The following NEK5 variants were observed in gnomAD, a reference collection of about 807,000 sequenced individuals.
The protein encoded by NEK5 is serine/threonine-protein kinase Nek5.
In NEK5, 88 loss-of-function variants were observed where a neutral mutation model predicts 109.2. The observed-to-expected ratio is 0.81, with a 90% CI of 0.68 to 0.96. The LOEUF is 0.96. Among genes scored for constraint, NEK5 ranks in the 40% least tolerant of loss-of-function variants. NEK5 has a pLI of 0.00. For synonymous variants in NEK5, 283 were observed against 299.9 expected (o/e 0.94, Z 0.58); for missense variants, 834 against 920.7 (o/e 0.91, Z 1.22).
intron 3 of NEK5, among the ~76,000 whole-genome samples, chr13:52,123,101 G>A (rs904078064): frequency 6.6e-6 from 1 of 152,114 alleles, no homozygotes; most frequent in African/African-American, 2.4e-5. Context: ...TTAGTTCTGG[G>A]GTCTAGTGTA....
Position 52,036,783 on chromosome 13 carries a change from T to C in NEK5, c.*165A>G, listed in dbSNP as rs1954364683. 1 of 203,748 alleles carries C rather than the reference T, an allele frequency of 4.9e-6. No individual in the cohort carries two copies. The highest frequency in any genetic ancestry group is 8.7e-6 in the Non-Finnish European group (1 of 115,488). 12.6% of individuals were successfully genotyped at this position (203,748 alleles called of 1,614,324 possible). A position where few individuals can be genotyped will look rare whatever the true frequency, so the allele number is the denominator to read the frequency against. ...TAATAGAAACTTTAAAGTAAAAATA[T>C]TAATGGCTATATTCAAAAGTTCTAC... On this transcript the variant is annotated 3_prime_UTR_variant, in exon 24 of 24. Coordinates refer to ENST00000684899, the MANE Select transcript of NEK5 (RefSeq NM_001365552.1).
chr13:52,104,494 T>C lies in NEK5; in HGVS notation c.609+4A>G. ...AAGATTAGTCTGACAATGAGCATAC[T>C]TACAGGATGTTTAAGTGTGCAGAGC... On this transcript the variant is annotated splice_donor_region_variant and intron_variant, in intron 9 of 23. Transcript: ENST00000684899. 6.3e-7 allele frequency: 1 copy of C among 1,585,438 alleles called. No individual in the cohort carries two copies. The highest frequency in any genetic ancestry group is 8.7e-7 in the Non-Finnish European group (1 of 1,154,106).
intron 21 of NEK5, 93 bp from the exon 22 acceptor site, chr13:52,062,046 C>A (rs1954618126): frequency 6.4e-6 from 1 of 157,234 alleles, no homozygotes; most frequent in Admixed American, 6.5e-5. Context: ...GTAACCTAAT[C>A]CCACCTCTCA....
intron 18 of NEK5, 109 bp from the exon 19 acceptor site, chr13:52,075,935 G>A (rs1019582860): frequency 1.4e-4 from 123 of 906,076 alleles, no homozygotes; most frequent in Non-Finnish European, 2.0e-4. Context: ...AAAACCATTG[G>A]TCTCATATCA....
At chr13:52,124,902 G>A (rs1956034911) in intron 3 of NEK5, among the ~76,000 whole-genome samples, 1 of 152,176 alleles carries the variant, frequency 6.6e-6, no homozygotes, top group Admixed American at 6.5e-5. Context: ...GGATCCAAGT[G>A]ACCCAGGGCC....
chr13:52,035,890 C>G lies in NEK5; in HGVS notation c.*1058G>C, dbSNP rs1336812136. 1.3e-5 allele frequency: 2 copies of G among 151,646 alleles called. No individual in the cohort carries two copies. Among genetic ancestry groups the G allele is most frequent in the South Asian group, 2.1e-4 (1 of 4,822 alleles). 9.4% of individuals were successfully genotyped at this position (151,646 alleles called of 1,614,324 possible). ...GTGTATTCAATGCAACAAGAAACTT[C>G]AAAATCACAGTTTTGTAAAACGGCA... On this transcript the variant is annotated 3_prime_UTR_variant, in exon 24 of 24. Transcript: ENST00000684899.
At chr13:52,089,480 A>C (rs1955230275) in intron 13 of NEK5, among the ~76,000 whole-genome samples, 167 bp from the exon 14 acceptor site, 1 of 152,184 alleles carries the variant, frequency 6.6e-6, no homozygotes. Context: ...TTGGAAAAGA[A>C]AATTTTGGAA....
chr13:52,081,366 T>G (rs769231912), intron 17 of NEK5, among the ~76,000 whole-genome samples: 4 of 152,162 alleles, frequency 2.6e-5, no homozygotes, highest in Non-Finnish European at 4.4e-5. Flanking sequence ...AGATGCCTTT[T>G]CTTTTTTTTT....
At chr13:52,088,272 T>C (rs1955197753) in intron 14 of NEK5, among the ~76,000 whole-genome samples, 1 of 151,222 alleles carries the variant, frequency 6.6e-6, no homozygotes, top group African/African-American at 2.4e-5. Flanking sequence ...TTGTTTTTTT[T>C]GAGACAGAGT....
intron 3 of NEK5, among the ~76,000 whole-genome samples, chr13:52,121,971 T>C (rs1452878946): frequency 6.6e-6 from 1 of 151,938 alleles, no homozygotes; most frequent in Non-Finnish European, 1.5e-5. Flanking sequence ...TCTGCTATGT[T>C]GTCTAAGCTG....
rs1374455679 is a variant in NEK5, at chr13:52,045,658, G to A, written c.2228+4446C>T. On this transcript the variant is annotated intron_variant, in intron 23 of 23. Coordinates refer to ENST00000684899, the MANE Select transcript of NEK5 (RefSeq NM_001365552.1). ...CCGGCGCCTGTAGTCCCAGCTACTC[G>A]GGAGGCTGAGGCAGGAGAATGGCGT... is the stretch of plus-strand genomic sequence containing the variant. Among the ~76,000 whole-genome samples, 21 of 149,056 alleles carry A rather than the reference G, an allele frequency of 1.4e-4. 1 individual carries two copies. Among genetic ancestry groups the A allele is most frequent in the Admixed American group, 1.2e-3 (18 of 15,010 alleles).
chr13:52,049,057 T>A (rs1954481004), intron 23 of NEK5, among the ~76,000 whole-genome samples: 1 of 152,172 alleles, frequency 6.6e-6, no homozygotes, highest in Admixed American at 6.6e-5. Context: ...TATTCCACAA[T>A]GTGTACATAT....
intron 22 of NEK5, among the ~76,000 whole-genome samples, chr13:52,059,212 A>G (rs1954589540): frequency 1.7e-5 from 1 of 57,302 alleles, no homozygotes; most frequent in Non-Finnish European, 3.5e-5. Context: ...AATGCTCACC[A>G]TCACTGGCCA....
At chr13:52,041,728 CAAAAA>C (rs60216367) in intron 23 of NEK5, among the ~76,000 whole-genome samples, 2 of 48,118 alleles carry the variant, frequency 4.2e-5, no homozygotes, top group African/African-American at 1.9e-4. Flanking sequence ...AACTCTGTCT[CAAAAA>C]AAAAAAAAAA....
rs781109449 is a variant in NEK5 at position 52,127,352 on chromosome 13, G to A, written c.117+14C>T. ...TCCCACTGAAAATTAACAGAAATTT[G>A]AACTTAACTTTACCTTTTCAAAATT... On this transcript the variant is annotated intron_variant, in intron 3 of 23. Coordinates refer to ENST00000684899, the MANE Select transcript of NEK5 (RefSeq NM_001365552.1). 10 of 781,326 alleles carry A rather than the reference G, an allele frequency of 1.3e-5. No homozygotes were observed. The Admixed American group carries it at 2.8e-4, about 22-fold the overall frequency. The allele number at this position is 781,326 out of a possible 1,614,324, so 48.4% of individuals were successfully genotyped here.
intron 4 of NEK5, among the ~76,000 whole-genome samples, chr13:52,116,130 G>C (rs1955853062): frequency 7.4e-6 from 1 of 135,614 alleles, no homozygotes. Context: ...GCAGTGAGCT[G>C]TAATCACACC....
intron 1 of NEK5, 113 bp downstream of exon 1, chr13:52,128,916 G>GGCCGCCCCC (rs1240616573): frequency 6.6e-6 from 1 of 152,418 alleles, no homozygotes; most frequent in Non-Finnish European, 1.5e-5. Context: ...GCCTTTTCTG[G>GGCCGCCCCC]GCCGCCCCCG....
rs1043710691 is a variant in NEK5 at position 52,099,851 on chromosome 13, G to T, written c.918C>A (p.Phe306Leu). 6.2e-7 allele frequency: 1 copy of T among 1,613,284 alleles called. No individual in the cohort carries two copies. Among genetic ancestry groups the T allele is most frequent in the Non-Finnish European group, 8.5e-7 (1 of 1,179,638 alleles). Residue 306 changes from phenylalanine (F) to leucine (L), a missense_variant, in exon 12 of 24, where the codon TTC (phenylalanine) becomes TTA (leucine). This residue lies in a region of NEK5 where 777 missense variants were observed against 824.7 expected (regional missense o/e 0.94). Coordinates refer to ENST00000684899, the MANE Select transcript of NEK5 (RefSeq NM_001365552.1). ...TTGATCTTGGTGGGCACTTTCCCTG[G>T]AATCTCACTTTTTGTATTTTACACT... ...VQKCKIQKVR[F>L]QGKCPPRSRI...
At chr13:52,049,879 A>T (rs542371734) in intron 23 of NEK5, among the ~76,000 whole-genome samples, 1 of 152,178 alleles carries the variant, frequency 6.6e-6, no homozygotes, top group African/African-American at 2.4e-5. Flanking sequence ...CCCACCAGGT[A>T]TCAGGAGGTA....
Sources: allele counts gnomAD v4.1 joint callset (sites outside exome capture counted in the v4.1 genomes callset), GRCh38; gene constraint gnomAD v4.1.1; regional missense constraint gnomAD v4.1.1; transcripts MANE v1.5; gene names NCBI Gene and HGNC (gene_info 2026-07-23, HGNC 2026-07-21).